The following HECW2 variants were observed in gnomAD, a reference collection of about 807,000 sequenced individuals.
The protein encoded by HECW2 is HECT, C2 and WW domain containing E3 ubiquitin protein ligase 2.
In HECW2, 61 loss-of-function variants were observed where a neutral mutation model predicts 175.2. The ratio of observed to expected loss-of-function variants is 0.35; its 90% confidence interval spans 0.28 to 0.43. The LOEUF (loss-of-function observed/expected upper bound fraction) is 0.43, where lower values mean the gene tolerates loss of function less well. HECW2 is among the 20% of genes least tolerant of loss of function. The probability of loss-of-function intolerance (pLI) is 1.00; values close to 1 mark genes in which losing one functional copy is unlikely to be tolerated. For synonymous variants in HECW2, 671 were observed against 731.0 expected (o/e 0.92, Z 1.32); for missense variants, 1,524 against 2,000.5 (o/e 0.76, Z 4.54).
intron 1 of HECW2, among the ~76,000 whole-genome samples, chr2:196,495,510 C>T (rs1220397242): frequency 2.6e-5 from 4 of 152,086 alleles, no homozygotes; most frequent in Non-Finnish European, 2.9e-5. Flanking sequence ...GAAAGAGAGA[C>T]CACCAATAGG....
chr2:196,249,715 T>C (rs973387203), intron 19 of HECW2, among the ~76,000 whole-genome samples: 4 of 152,192 alleles, frequency 2.6e-5, no homozygotes, highest in African/African-American at 9.7e-5. Context: ...TGAGGTTAGG[T>C]AGTCCTGCCC....
At chr2:196,591,628 C>T (rs1216069549) in intron 1 of HECW2, among the ~76,000 whole-genome samples, 1 of 152,060 alleles carries the variant, frequency 6.6e-6, no homozygotes, top group African/African-American at 2.4e-5. Flanking sequence ...ATGTCTTTGC[C>T]ACCCTCCACC....
chr2:196,555,358 GCCTGTTTTGTAAGGGTGCGAAT>G (rs1689758308), intron 1 of HECW2, among the ~76,000 whole-genome samples: 4 of 152,136 alleles, frequency 2.6e-5, no homozygotes, highest in African/African-American at 9.6e-5. Context: ...GCTGCATGGG[GCCTGTTTTGTAAGGGTGCGAAT>G]CCTTTTCATG....
At chr2:196,274,234 T>C in intron 15 of HECW2, 111 bp from the exon 16 acceptor site, 1 of 741,240 alleles carries the variant, frequency 1.3e-6, no homozygotes, top group East Asian at 2.7e-5. Context: ...GAAGTACCAC[T>C]TGATCAGAAC....
At chr2:196,522,379 C>T (rs1479892653) in intron 1 of HECW2, among the ~76,000 whole-genome samples, 1 of 152,100 alleles carries the variant, frequency 6.6e-6, no homozygotes, top group Admixed American at 6.6e-5. Flanking sequence ...TGGATATTAG[C>T]CCTTTGTCAG....
intron 2 of HECW2, among the ~76,000 whole-genome samples, chr2:196,363,691 G>T (rs1203172300): frequency 6.6e-6 from 1 of 152,160 alleles, no homozygotes. Flanking sequence ...TGGCATGGTG[G>T]CATGCACCTG....
At chr2:196,311,782 G>C (rs2105729303) in intron 10 of HECW2, among the ~76,000 whole-genome samples, 1 of 152,292 alleles carries the variant, frequency 6.6e-6, no homozygotes. Context: ...GGGTAACAGA[G>C]TTGGATTCCA....
At chr2:196,416,832 G>A (rs1320840798) in intron 2 of HECW2, among the ~76,000 whole-genome samples, 1 of 152,146 alleles carries the variant, frequency 6.6e-6, no homozygotes, top group South Asian at 2.1e-4. Flanking sequence ...CTTCTTCTCT[G>A]GCACTCAGTC....
chr2:196,504,933 A>T (rs1220418126), intron 1 of HECW2, among the ~76,000 whole-genome samples: 1 of 152,180 alleles, frequency 6.6e-6, no homozygotes, highest in Non-Finnish European at 1.5e-5. Flanking sequence ...ACTCAAGACC[A>T]CAATGCTAAA....
intron 1 of HECW2, among the ~76,000 whole-genome samples, chr2:196,592,263 G>C (rs1691226917): frequency 6.6e-6 from 1 of 152,130 alleles, no homozygotes; most frequent in African/African-American, 2.4e-5. Context: ...TATCTGTAAT[G>C]ATCACAAATG....
chr2:196,574,830 T>C (rs1690505691), intron 1 of HECW2, among the ~76,000 whole-genome samples: 1 of 152,052 alleles, frequency 6.6e-6, no homozygotes, highest in Admixed American at 6.6e-5. Flanking sequence ...AAAACAGACA[T>C]ATAGCCTAAC....
chr2:196,461,907 G>C (rs1237993345), intron 1 of HECW2, among the ~76,000 whole-genome samples: 1 of 152,022 alleles, frequency 6.6e-6, no homozygotes, highest in Non-Finnish European at 1.5e-5. Flanking sequence ...ATTTTGGGTG[G>C]GGACACAGCC....
chr2:196,450,454 C>G (rs1025626295), intron 1 of HECW2, among the ~76,000 whole-genome samples: 5 of 151,478 alleles, frequency 3.3e-5, no homozygotes, highest in African/African-American at 1.2e-4. Context: ...ATCTACTGAT[C>G]ATAAGCCACC....
chr2:196,202,298 T>C (rs1341545961), intron 28 of HECW2, among the ~76,000 whole-genome samples: 2 of 152,244 alleles, frequency 1.3e-5, no homozygotes, highest in African/African-American at 2.4e-5. Flanking sequence ...CACATGTCTA[T>C]ACTTTTACTC....
chr2:196,325,165 G>A lies in HECW2; in HGVS notation c.572-16C>T, dbSNP rs867223903. 6.4e-7 allele frequency: 1 copy of A among 1,556,896 alleles called. No individual in the cohort carries two copies. The highest frequency in any genetic ancestry group is 8.7e-7 in the Non-Finnish European group (1 of 1,151,378). The stretch of plus-strand genomic sequence containing the variant: ...GCCCTAAGATCTTTAAAGAAAGAGG[G>A]AGAAGGAGGGAGGGACAAAGAGAAA... On this transcript the variant is annotated splice_polypyrimidine_tract_variant and intron_variant, in intron 5 of 28. Coordinates refer to ENST00000644978, the MANE Select transcript of HECW2 (RefSeq NM_001348768.2).
rs1451609542 is a variant in HECW2, at chr2:196,461,986, C to A, written c.-35-28528G>T. On this transcript the variant is annotated intron_variant, in intron 1 of 28. Coordinates refer to ENST00000644978, the MANE Select transcript of HECW2 (RefSeq NM_001348768.2). The stretch of plus-strand genomic sequence containing the variant: ...TGTAATAACTCATAACTGGAAAAAA[C>A]CCAAATGTCCATCAATATGTGAGCA... 7.2e-5 allele frequency among the ~76,000 whole-genome samples: 11 copies of A among 152,192 alleles called. No individual in the cohort carries two copies. The East Asian group carries it at 1.9e-3, about 27-fold the overall frequency.
intron 13 of HECW2, among the ~76,000 whole-genome samples, chr2:196,304,825 A>G (rs1347114859): frequency 6.6e-6 from 1 of 152,172 alleles, no homozygotes; most frequent in Non-Finnish European, 1.5e-5. Context: ...CTAGTGTCCT[A>G]TGTTCTCAAT....
intron 1 of HECW2, among the ~76,000 whole-genome samples, chr2:196,535,918 A>T (rs1036187697): frequency 3.0e-4 from 45 of 150,084 alleles, no homozygotes; most frequent in Non-Finnish European, 5.8e-4. Flanking sequence ...ATTATGTGTT[A>T]AAAAAAAATC....
At chr2:196,533,392 C>A (rs1312276347) in intron 1 of HECW2, among the ~76,000 whole-genome samples, 1 of 152,152 alleles carries the variant, frequency 6.6e-6, no homozygotes, top group African/African-American at 2.4e-5. Flanking sequence ...CAGGAAGCAA[C>A]CTCAACCACC....
Sources: allele counts gnomAD v4.1 joint callset (sites outside exome capture counted in the v4.1 genomes callset), GRCh38; gene constraint gnomAD v4.1.1; transcripts MANE v1.5; gene names NCBI Gene and HGNC (gene_info 2026-07-23, HGNC 2026-07-21).